ZNF169: variants seen among roughly 807,000 people sequenced by gnomAD.
The protein encoded by ZNF169 is zinc finger protein 169.
A neutral mutation model predicts 12.0 loss-of-function variants in ZNF169; 11 were observed. The observed-to-expected ratio is 0.92, with a 90% confidence interval of 0.58 to 1.52. The LOEUF is 1.52. ZNF169 is among the 40% of genes most tolerant of loss of function. ZNF169 has a pLI of 0.00. For missense variants in ZNF169, 722 were observed against 744.0 expected, an observed-to-expected ratio of 0.97 and a Z score of 0.34; for synonymous variants, 302 against 286.5, an observed-to-expected ratio of 1.05 and a Z score of -0.55.
At chr9:94,281,262 C>G (rs936516311) in intron 2 of ZNF169, among the ~76,000 whole-genome samples, 1 of 152,154 alleles carries the variant, frequency 6.6e-6, no homozygotes, top group East Asian at 1.9e-4. Context: ...AATTGCATTT[C>G]CTGGTACTTT....
At chr9:94,266,026 C>T (rs999718027) in intron 1 of ZNF169, among the ~76,000 whole-genome samples, 5 of 146,544 alleles carry the variant, frequency 3.4e-5, no homozygotes, top group African/African-American at 1.3e-4. Context: ...GCAGAGGTTG[C>T]AGTGAGACAA....
rs1341028820 is a variant in ZNF169, at chr9:94,300,765, G to T, written c.1207G>T (p.Val403Phe). 1.2e-6 allele frequency: 2 copies of T among 1,612,244 alleles called. No individual in the cohort carries two copies. The highest frequency in any genetic ancestry group is 1.7e-6 in the Non-Finnish European group (2 of 1,179,580). Residue 403 changes from valine (V) to phenylalanine (F), a missense_variant, in exon 5 of 5, where the codon GTC (valine) becomes TTC (phenylalanine). Coordinates refer to ENST00000395395, the MANE Select transcript of ZNF169 (RefSeq NM_194320.4). ...QVTHSGEKPY[V>F]CAECGHSFRQ... ...CACACACTCAGGAGAGAAGCCTTATGTCTGTGCTGAGTGTGGGCACAGCTT... is the reference window on the plus strand; with the variant it reads ...CACACACTCAGGAGAGAAGCCTTATTTCTGTGCTGAGTGTGGGCACAGCTT...
intron 1 of ZNF169, among the ~76,000 whole-genome samples, chr9:94,270,751 TAATATATA>T (rs1328425797): frequency 2.2e-5 from 2 of 90,756 alleles, no homozygotes; most frequent in African/African-American, 8.4e-5. Flanking sequence ...TGTATTTATA[TAATATATA>T]AATATATATG....
chr9:94,274,942 T>C (rs1830494984), intron 1 of ZNF169, among the ~76,000 whole-genome samples: 1 of 152,016 alleles, frequency 6.6e-6, no homozygotes, highest in Non-Finnish European at 1.5e-5. Flanking sequence ...ATTCCAAATC[T>C]GAAGTAGGGT....
chr9:94,295,689 T>A (rs908462361), intron 4 of ZNF169: 17 of 152,238 alleles, frequency 1.1e-4, no homozygotes, highest in African/African-American at 3.9e-4. Flanking sequence ...AGCATAAGTA[T>A]TTTGAATTTT....
chr9:94,279,390 C>A lies in ZNF169; in HGVS notation c.33+545C>A, dbSNP rs570406396. Among the ~76,000 whole-genome samples the A allele has an allele frequency of 2.7e-5, 4 of 145,712 alleles. No individual in the cohort carries two copies. The South Asian group carries it at 6.6e-4, about 24-fold the overall frequency. On this transcript the variant is annotated intron_variant, in intron 2 of 4. Coordinates refer to ENST00000395395, the MANE Select transcript of ZNF169 (RefSeq NM_194320.4). ...TGGGCGATAGAGTGAGACTCCATCT[C>A]AAAAAAAAAAGTATAAGAAGGCTCT... is the stretch of plus-strand genomic sequence containing the variant.
intron 1 of ZNF169, among the ~76,000 whole-genome samples, chr9:94,269,111 T>C (rs1374530167): frequency 1.3e-5 from 2 of 151,712 alleles, no homozygotes; most frequent in Non-Finnish European, 2.9e-5. Flanking sequence ...TCAGCAGGAA[T>C]GAACCCAATA....
chr9:94,260,483 TG>T (rs71500054), intron 1 of ZNF169, among the ~76,000 whole-genome samples: 63,969 of 144,302 alleles, frequency 0.44, 15,997 homozygotes, highest in African/African-American at 0.7. Flanking sequence ...GTCTTGATAG[TG>T]GGGGGGGGGA....
At chr9:94,291,414 C>T (rs755252730) in intron 2 of ZNF169, among the ~76,000 whole-genome samples, 24 of 152,064 alleles carry the variant, frequency 1.6e-4, no homozygotes, top group Non-Finnish European at 1.9e-4. Context: ...AACAAACCAA[C>T]GTTATATCTG....
chr9:94,259,856 G>A (rs907067318), intron 1 of ZNF169, among the ~76,000 whole-genome samples: 2 of 152,106 alleles, frequency 1.3e-5, no homozygotes, highest in African/African-American at 4.8e-5. Flanking sequence ...CGCGGCTTGG[G>A]CATCAGTCGG....
chr9:94,300,785 C>T lies in ZNF169; in HGVS notation c.1227C>T (p.His409=). ...EKPYVCAECG[H]SFRQKVTLIR... is the part of the protein sequence containing the mutation. ...CTTATGTCTGTGCTGAGTGTGGGCA[C>T]AGCTTTCGCCAAAAGGTCACTCTCA... Residue 409 remains histidine, a synonymous_variant, in exon 5 of 5, where the codon CAC becomes CAT. Coordinates refer to ENST00000395395, the MANE Select transcript of ZNF169 (RefSeq NM_194320.4). 1 of 1,612,764 alleles carries T rather than the reference C, an allele frequency of 6.2e-7. No individual in the cohort carries two copies. The highest frequency in any genetic ancestry group is 1.1e-5 in the South Asian group (1 of 90,982).
rs35889937 is a variant in ZNF169 at position 94,292,640 on chromosome 9, T to TGTGTGTGTGTGC, written c.160+174_160+175insTGTGTGTGTGCG. On this transcript the variant is annotated intron_variant, in intron 3 of 4. Coordinates refer to ENST00000395395, the MANE Select transcript of ZNF169 (RefSeq NM_194320.4). ...GTGTGTGTGTGTGTGTGTGTGTGTG[T>TGTGTGTGTGTGC]GCGCGTGCACATGCTGTGAGCGTGT... is the stretch of plus-strand genomic sequence containing the variant. The TGTGTGTGTGTGC allele has an allele frequency of 4.4e-3, 3,294 of 740,292 alleles. 41 individuals carry two copies. The highest frequency in any genetic ancestry group is 0.034 in the African/African-American group (1,873 of 54,948). The allele number at this position is 740,292 out of a possible 1,614,324, so 45.9% of individuals were successfully genotyped here.
intron 4 of ZNF169, chr9:94,295,102 T>TGG (rs1830925071): frequency 6.6e-6 from 1 of 152,098 alleles, no homozygotes; most frequent in Non-Finnish European, 1.5e-5. Flanking sequence ...CTGAGGTGGG[T>TGG]GGATCACTTG....
At chr9:94,269,716 C>A (rs181722759) in intron 1 of ZNF169, among the ~76,000 whole-genome samples, 5 of 152,286 alleles carry the variant, frequency 3.3e-5, no homozygotes, top group Non-Finnish European at 5.9e-5. Context: ...TGGAAATTAT[C>A]ACCAGACCAA....
At chr9:94,289,083 G>A (rs1699383080) in intron 2 of ZNF169, among the ~76,000 whole-genome samples, 1 of 152,102 alleles carries the variant, frequency 6.6e-6, no homozygotes, top group Non-Finnish European at 1.5e-5. Flanking sequence ...TGTAATGGGA[G>A]GTAAGTTCTA....
chr9:94,269,996 G>A (rs1290040244), intron 1 of ZNF169, among the ~76,000 whole-genome samples: 1 of 152,116 alleles, frequency 6.6e-6, no homozygotes, highest in Admixed American at 6.6e-5. Flanking sequence ...GTGGAGGCAT[G>A]GGGAGTTTCT....
At chr9:94,270,846 T>A (rs1299741065) in intron 1 of ZNF169, among the ~76,000 whole-genome samples, 2 of 8,864 alleles carry the variant, frequency 2.3e-4, no homozygotes, top group South Asian at 7.0e-3. Flanking sequence ...TATATTATAT[T>A]ATATAAATAT....
chr9:94,287,710 A>G, intron 2 of ZNF169: 1 of 1,261,782 alleles, frequency 7.9e-7, no homozygotes, highest in Non-Finnish European at 1.2e-6. Flanking sequence ...TATGCTTGAA[A>G]TTCTAGTCCT....
At chr9:94,266,271 A>C (rs972638971) in intron 1 of ZNF169, among the ~76,000 whole-genome samples, 2 of 152,156 alleles carry the variant, frequency 1.3e-5, no homozygotes, top group Admixed American at 6.5e-5. Context: ...GACCTGCCAC[A>C]ATCCCCACTG....
Sources: allele counts gnomAD v4.1 joint callset (sites outside exome capture counted in the v4.1 genomes callset), GRCh38; gene constraint gnomAD v4.1.1; transcripts MANE v1.5; gene names NCBI Gene and HGNC (gene_info 2026-07-23, HGNC 2026-07-21).